Variants in RBFOX1 observed in about 807,000 individuals in gnomAD.
RBFOX1 encodes the protein RNA binding fox-1 homolog 1, also known as RNA binding protein fox-1 homolog 1.
A neutral mutation model predicts 57.7 loss-of-function variants in RBFOX1; 8 were observed. The observed-to-expected ratio is 0.14, with a 90% CI of 0.08 to 0.25. The LOEUF (loss-of-function observed/expected upper bound fraction) is 0.25. Ranked by LOEUF, RBFOX1 falls within the 10% of genes least tolerant of loss-of-function variation. RBFOX1 has a pLI of 1.00. For synonymous variants in RBFOX1, 326 were observed against 222.4 expected (o/e 1.47, Z -4.15); for missense variants, 611 against 548.5 (o/e 1.11, Z -1.14).
At chr16:6,867,031 A>G (rs1180403293) in intron 3 of RBFOX1, among the ~76,000 whole-genome samples, 1 of 150,734 alleles carries the variant, frequency 6.6e-6, no homozygotes, top group African/African-American at 2.4e-5. Flanking sequence ...AAAAAAAAAA[A>G]AACTTCCATG....
chr16:7,482,153 C>T (rs2064124882), intron 4 of RBFOX1, among the ~76,000 whole-genome samples: 1 of 152,194 alleles, frequency 6.6e-6, no homozygotes, highest in Non-Finnish European at 1.5e-5. Context: ...TATTTTGTAG[C>T]ATCTATTCCA....
At chr16:6,323,280 C>A (rs901463819) in intron 2 of RBFOX1, among the ~76,000 whole-genome samples, 3 of 152,142 alleles carry the variant, frequency 2.0e-5, no homozygotes, top group Non-Finnish European at 4.4e-5. Context: ...CCAGGCAGCA[C>A]CCCACTGTCA....
At chr16:5,814,334 C>G (rs1159151990) in intron 3 of RBFOX1, among the ~76,000 whole-genome samples, 2 of 152,198 alleles carry the variant, frequency 1.3e-5, no homozygotes, top group Admixed American at 1.3e-4. Flanking sequence ...AATAAATTCA[C>G]TCTAATTTAT....
intron 4 of RBFOX1, among the ~76,000 whole-genome samples, chr16:5,899,486 C>G (rs1430363921): frequency 1.3e-5 from 2 of 152,174 alleles, no homozygotes; most frequent in Non-Finnish European, 2.9e-5. Flanking sequence ...TGAAATCAAG[C>G]TGAATTCTCT....
At chr16:6,129,271 A>C (rs2096612297) in intron 1 of RBFOX1, among the ~76,000 whole-genome samples, 1 of 152,172 alleles carries the variant, frequency 6.6e-6, no homozygotes, top group Non-Finnish European at 1.5e-5. Flanking sequence ...ACTTAAAGAG[A>C]AGATTGTGTT....
chr16:6,526,778 C>G (rs1567560177), intron 2 of RBFOX1, among the ~76,000 whole-genome samples: 1 of 125,326 alleles, frequency 8.0e-6, no homozygotes, highest in Non-Finnish European at 1.6e-5. Flanking sequence ...TGCAGCGAGC[C>G]GAGATTGCAC....
intron 1 of RBFOX1, among the ~76,000 whole-genome samples, chr16:6,276,942 GT>G (rs2075862870): frequency 6.6e-6 from 1 of 151,994 alleles, no homozygotes; most frequent in East Asian, 1.9e-4. Context: ...AGGACAAGTG[GT>G]CAGTAACCAT....
intron 2 of RBFOX1, among the ~76,000 whole-genome samples, chr16:6,499,688 A>C (rs2095861441): frequency 6.6e-6 from 1 of 151,896 alleles, no homozygotes; most frequent in South Asian, 2.1e-4. Context: ...GTGACCCCAG[A>C]GTCCTATGTT....
At chr16:7,010,532 C>G (rs527402631) in intron 3 of RBFOX1, among the ~76,000 whole-genome samples, 35 of 144,266 alleles carry the variant, frequency 2.4e-4, no homozygotes, top group South Asian at 1.9e-3. Flanking sequence ...CTGATCACAT[C>G]TCCCCTTTTT....
chr16:6,446,664 C>T (rs1006130122), intron 2 of RBFOX1, among the ~76,000 whole-genome samples: 1 of 152,034 alleles, frequency 6.6e-6, no homozygotes, highest in African/African-American at 2.4e-5. Context: ...AGAACATCTA[C>T]TTTTTAGGAT....
intron 2 of RBFOX1, among the ~76,000 whole-genome samples, chr16:6,576,043 C>G (rs554940681): frequency 6.6e-6 from 1 of 152,178 alleles, no homozygotes; most frequent in South Asian, 2.1e-4. Flanking sequence ...TCACACAGTT[C>G]AAAAACAATG....
At chr16:6,558,970 C>A (rs140785963) in intron 2 of RBFOX1, among the ~76,000 whole-genome samples, 1 of 152,140 alleles carries the variant, frequency 6.6e-6, no homozygotes, top group African/African-American at 2.4e-5. Flanking sequence ...TCACTCTCTA[C>A]TCAAAAATGC....
chr16:6,092,582 G>C (rs1258010163), intron 1 of RBFOX1: 1 of 152,196 alleles, frequency 6.6e-6, no homozygotes, highest in Non-Finnish European at 1.5e-5. Context: ...GTAAGGAAGA[G>C]GTCCAGTTAC....
intron 2 of RBFOX1, among the ~76,000 whole-genome samples, chr16:5,594,494 A>G (rs2047115004): frequency 6.6e-6 from 1 of 152,212 alleles, no homozygotes; most frequent in Non-Finnish European, 1.5e-5. Context: ...GAGACATAAG[A>G]CATCAATGCA....
intron 2 of RBFOX1, among the ~76,000 whole-genome samples, chr16:6,504,265 C>A (rs1015700864): frequency 2.0e-5 from 3 of 152,184 alleles, no homozygotes; most frequent in Non-Finnish European, 4.4e-5. Context: ...CTCCACAGTC[C>A]ACCTGTTGGG....
intron 4 of RBFOX1, among the ~76,000 whole-genome samples, chr16:7,435,264 G>C (rs151317736): frequency 3.9e-5 from 6 of 151,978 alleles, no homozygotes; most frequent in Non-Finnish European, 7.4e-5. Context: ...TACTAAGCAG[G>C]TGTTTTGTAG....
chr16:6,038,620 T>G (rs893915082), intron 1 of RBFOX1: 40 of 147,228 alleles, frequency 2.7e-4, no homozygotes, highest in Non-Finnish European at 2.2e-4. Flanking sequence ...TCCATGGAGA[T>G]ATATATATAT....
intron 1 of RBFOX1, among the ~76,000 whole-genome samples, chr16:6,160,865 T>C (rs1171066826): frequency 1.3e-5 from 2 of 152,152 alleles, no homozygotes; most frequent in Non-Finnish European, 1.5e-5. Context: ...CGAGTGTCCT[T>C]TCCTCAGACA....
chr16:6,959,105 A>G (rs1252174871), intron 3 of RBFOX1, among the ~76,000 whole-genome samples: 2 of 152,084 alleles, frequency 1.3e-5, no homozygotes, highest in Admixed American at 6.6e-5. Flanking sequence ...TCTTTTTTCT[A>G]TCGGCTTTGT....
Sources: allele counts gnomAD v4.1 joint callset (sites outside exome capture counted in the v4.1 genomes callset), GRCh38; gene constraint gnomAD v4.1.1; transcripts MANE v1.5; gene names NCBI Gene and HGNC (gene_info 2026-07-23, HGNC 2026-07-21).